Variants in CALCOCO1 observed in about 807,000 individuals in gnomAD.
The protein encoded by CALCOCO1 is calcium-binding and coiled-coil domain-containing protein 1.
In CALCOCO1, 44 loss-of-function variants were observed where a neutral mutation model predicts 86.3. That is an observed-to-expected ratio of 0.51 (90% confidence interval 0.40 to 0.66). The LOEUF is 0.66. Ranked by LOEUF, CALCOCO1 falls within the 30% of genes least tolerant of loss-of-function variation. CALCOCO1 has a pLI of 0.00. For synonymous variants in CALCOCO1, 297 were observed against 327.6 expected (o/e 0.91, Z 1.01); for missense variants, 708 against 851.1 (o/e 0.83, Z 2.09).
intron 1 of CALCOCO1, among the ~76,000 whole-genome samples, chr12:53,726,918 G>C (rs935162912): frequency 2.6e-5 from 4 of 152,140 alleles, no homozygotes; most frequent in African/African-American, 9.7e-5. Flanking sequence ...CTAAGATGTA[G>C]GTGTGTAGCC....
At position 53,715,994 on chromosome 12, in the gene CALCOCO1, G is replaced by T; in HGVS notation, c.1059C>A (p.Ala353=). 6.2e-7 allele frequency: 1 copy of T among 1,614,014 alleles called. No individual in the cohort carries two copies. The highest frequency in any genetic ancestry group is 8.5e-7 in the Non-Finnish European group (1 of 1,180,040). ...EQLRGAQELA[A]SSQQKATLLG... is the part of the protein sequence containing the mutation. ...GAAGGGTGGCTTTCTGCTGGCTTGA[G>T]GCTGCAAGCTCCTGGGCCCCTCGAA... Residue 353 remains alanine, a synonymous_variant, in exon 9 of 15, where the codon GCC becomes GCA. Coordinates refer to ENST00000550804, the MANE Select transcript of CALCOCO1 (RefSeq NM_020898.3).
At chr12:53,718,189 A>T (rs1244341232) in intron 7 of CALCOCO1, among the ~76,000 whole-genome samples, 1 of 151,986 alleles carries the variant, frequency 6.6e-6, no homozygotes, top group Non-Finnish European at 1.5e-5. Flanking sequence ...TGCAAGGTGG[A>T]CAGTTTAAAA....
In CALCOCO1 at chr12:53,712,681, G is replaced by C. The variant is rs1315358909; in HGVS notation, c.1898+419C>G. On this transcript the variant is annotated intron_variant, in intron 14 of 14. Coordinates refer to ENST00000550804, the MANE Select transcript of CALCOCO1 (RefSeq NM_020898.3). ...GAAGAGGGAAAGCATTTCAGTTGTA[G>C]CCAGATGGATGCTGGATCCCAGTCT... is the stretch of plus-strand genomic sequence containing the variant. 5 of 637,128 alleles carry C rather than the reference G, an allele frequency of 7.8e-6. No homozygotes were observed. The Admixed American group carries it at 1.8e-4, about 24-fold the overall frequency. 39.5% of individuals were successfully genotyped at this position (637,128 alleles called of 1,614,324 possible).
intron 1 of CALCOCO1, 92 bp from the exon 2 acceptor site, chr12:53,725,358 T>C (rs1472462851): frequency 8.7e-6 from 7 of 802,928 alleles, no homozygotes; most frequent in Non-Finnish European, 1.3e-5. Flanking sequence ...CCCCTGCCAC[T>C]ACACCTGGAG....
Position 53,719,720 on chromosome 12 carries a change from T to C in CALCOCO1, c.849+19A>G. On this transcript the variant is annotated intron_variant, in intron 7 of 14. Coordinates refer to ENST00000550804, the MANE Select transcript of CALCOCO1 (RefSeq NM_020898.3). Reference sequence around the variant, plus strand: ...CTGGCTGGACAATGGAGAAAGCAAATCAACTCTGAGCCCCTTACCTCACTT... The same window carrying C: ...CTGGCTGGACAATGGAGAAAGCAAACCAACTCTGAGCCCCTTACCTCACTT... The C allele has an allele frequency of 6.3e-7, 1 of 1,579,980 alleles. No homozygotes were observed. Among genetic ancestry groups the C allele is most frequent in the East Asian group, 2.2e-5 (1 of 44,666 alleles).
chr12:53,719,088 GC>G (rs1486464536), intron 7 of CALCOCO1, among the ~76,000 whole-genome samples: 3 of 151,046 alleles, frequency 2.0e-5, no homozygotes, highest in Non-Finnish European at 4.4e-5. Context: ...CAGGGGATCC[GC>G]CTGCCTCTGC....
chr12:53,711,890 G>A lies in CALCOCO1; in HGVS notation c.*54C>T. ...GCATGAAACCTAAGTGTATGCATGT[G>A]TGTGAGTGTGTGTGTGCATGAGTGT... On this transcript the variant is annotated 3_prime_UTR_variant, in exon 15 of 15. Coordinates refer to ENST00000550804, the MANE Select transcript of CALCOCO1 (RefSeq NM_020898.3). 7.0e-7 allele frequency: 1 copy of A among 1,435,770 alleles called. No individual in the cohort carries two copies. The highest frequency in any genetic ancestry group is 2.5e-5 in the East Asian group (1 of 40,284). 88.9% of individuals were successfully genotyped at this position (1,435,770 alleles called of 1,614,324 possible).
At position 53,710,247 on chromosome 12, in the gene CALCOCO1, G is replaced by A. The variant is rs546341854; in HGVS notation, c.*1697C>T. 13 of 152,368 alleles carry A rather than the reference G, an allele frequency of 8.5e-5. No homozygotes were observed. The highest frequency in any genetic ancestry group is 2.9e-4 in the African/African-American group (12 of 41,548). The allele number at this position is 152,368 out of a possible 1,614,324, so 9.4% of individuals were successfully genotyped here. On this transcript the variant is annotated 3_prime_UTR_variant, in exon 15 of 15. Coordinates refer to ENST00000550804, the MANE Select transcript of CALCOCO1 (RefSeq NM_020898.3). ...TTTCCTTGGAAGGGATTCAGGGAAC[G>A]GGATGGGGTTGCTAGGAGACGGAGA...
chr12:53,724,006 T>C (rs1945950671), intron 3 of CALCOCO1: 3 of 569,496 alleles, frequency 5.3e-6, no homozygotes, highest in Non-Finnish European at 9.4e-6. Context: ...GTGCGTACCA[T>C]GTACCAGACA....
At chr12:53,724,367 A>G (rs925143916) in intron 3 of CALCOCO1, 3 of 433,344 alleles carry the variant, frequency 6.9e-6, no homozygotes, top group Non-Finnish European at 1.3e-5. Flanking sequence ...ACATAATTCT[A>G]CCTTTCCCTC....
intron 7 of CALCOCO1, among the ~76,000 whole-genome samples, chr12:53,719,127 G>A (rs972858836): frequency 2.0e-5 from 3 of 151,734 alleles, no homozygotes; most frequent in Non-Finnish European, 2.9e-5. Flanking sequence ...TTACAGGCAT[G>A]AGCCACTGTG....
At chr12:53,720,951 G>A (rs963236693) in intron 6 of CALCOCO1, among the ~76,000 whole-genome samples, 6 of 152,238 alleles carry the variant, frequency 3.9e-5, no homozygotes, top group Non-Finnish European at 7.3e-5. Flanking sequence ...GCTGTCAAAT[G>A]TTAAAGAGGC....
rs774422221 is a variant in CALCOCO1 at position 53,712,154 on chromosome 12, G to A, written c.1899-33C>T. On this transcript the variant is annotated intron_variant, in intron 14 of 14. Transcript: ENST00000550804. ...AGACAGAGGGGAAAGGGAGAGGGTC[G>A]GCGTGCTCTGTTCCCTTCTTGACTT... The A allele has an allele frequency of 4.0e-5, 62 of 1,547,448 alleles. No homozygotes were observed. In the East Asian group the frequency reaches 7.2e-4, roughly 18 times the overall value.
At chr12:53,713,670 C>CTGCTTCT in intron 13 of CALCOCO1, 31 bp downstream of exon 13, 1 of 1,490,052 alleles carries the variant, frequency 6.7e-7, no homozygotes, top group Non-Finnish European at 8.9e-7. Flanking sequence ...CCCCTCCTTA[C>CTGCTTCT]TGCTTCTGCA....
At chr12:53,717,996 GC>G (rs1479910319) in intron 7 of CALCOCO1, among the ~76,000 whole-genome samples, 3 of 152,198 alleles carry the variant, frequency 2.0e-5, no homozygotes, top group African/African-American at 4.8e-5. Context: ...CTGCACTCCA[GC>G]CTGGGCAACA....
chr12:53,724,442 TTC>T, intron 3 of CALCOCO1: 1 of 560,624 alleles, frequency 1.8e-6, no homozygotes, highest in Non-Finnish European at 3.2e-6. Context: ...CTGAAGTTCC[TTC>T]TGTTTCTATG....
At chr12:53,712,901 T>A (rs1945609684) in intron 14 of CALCOCO1, 199 bp downstream of exon 14, 1 of 1,432,684 alleles carries the variant, frequency 7.0e-7, no homozygotes. Flanking sequence ...ATTGATAAGA[T>A]AGGGGTAGGG....
chr12:53,718,043 A>T (rs1945773663), intron 7 of CALCOCO1, among the ~76,000 whole-genome samples: 1 of 152,180 alleles, frequency 6.6e-6, no homozygotes, highest in Non-Finnish European at 1.5e-5. Flanking sequence ...CAAACAAAAC[A>T]AATAAAACCC....
intron 1 of CALCOCO1, chr12:53,726,224 C>T (rs780051416): frequency 1.3e-5 from 2 of 152,234 alleles, no homozygotes; most frequent in Non-Finnish European, 2.9e-5. Context: ...ACTGTGCCTG[C>T]AGCAGGACTA....
Sources: allele counts gnomAD v4.1 joint callset (sites outside exome capture counted in the v4.1 genomes callset), GRCh38; gene constraint gnomAD v4.1.1; transcripts MANE v1.5; gene names NCBI Gene and HGNC (gene_info 2026-07-23, HGNC 2026-07-21).